The following GET4 variants were observed in gnomAD, a reference collection of about 807,000 sequenced individuals.
GET4 encodes guided entry of tail-anchored proteins factor 4.
In GET4, 20 loss-of-function variants were observed where a neutral mutation model predicts 40.0. That is an observed-to-expected ratio of 0.50 (90% confidence interval 0.35 to 0.73). The LOEUF (loss-of-function observed/expected upper bound fraction) is 0.73, where lower values mean the gene tolerates loss of function less well. GET4 is among the 30% of genes least tolerant of loss of function. GET4 has a pLI of 0.01. For missense variants in GET4, 557 were observed against 454.0 expected (o/e 1.23, Z -2.06); for synonymous variants, 280 against 194.6 (o/e 1.44, Z -3.65).
intron 4 of GET4, among the ~76,000 whole-genome samples, chr7:888,495 G>A (rs1027832693): frequency 1.3e-5 from 2 of 152,252 alleles, no homozygotes; most frequent in Admixed American, 1.3e-4. Context: ...TGAGCGACAG[G>A]AATGGGAAGT....
chr7:891,936 T>C (rs1284286893), intron 5 of GET4, among the ~76,000 whole-genome samples: 1 of 152,262 alleles, frequency 6.6e-6, no homozygotes, highest in Non-Finnish European at 1.5e-5. Flanking sequence ...TGCTGGGCCA[T>C]GGCGGAGTGT....
At chr7:878,071 T>C in intron 1 of GET4, 2 of 327,120 alleles carry the variant, frequency 6.1e-6, no homozygotes, top group South Asian at 4.6e-5. Context: ...GTGAAACCGC[T>C]TCTCTGTTGA....
chr7:891,147 T>C, intron 5 of GET4, 81 bp downstream of exon 5: 8 of 1,126,398 alleles, frequency 7.1e-6, no homozygotes, highest in South Asian at 3.1e-5. Context: ...CCTTGTCCCC[T>C]GTCCGAGCCG....
chr7:895,203 A>G (rs967200544), intron 8 of GET4, 131 bp from the exon 9 acceptor site: 17 of 558,770 alleles, frequency 3.0e-5, no homozygotes, highest in Non-Finnish European at 4.6e-5. Flanking sequence ...GGTCGTAGAC[A>G]GTAGCGATGT....
chr7:886,422 G>T (rs1409886197), intron 2 of GET4, 147 bp from the exon 3 acceptor site: 1 of 661,434 alleles, frequency 1.5e-6, no homozygotes, highest in Non-Finnish European at 2.7e-6. Context: ...CTCTTTTTCG[G>T]CGGCATTGCC....
At position 884,323 on chromosome 7, in the gene GET4, C is replaced by T. The variant is rs774802487; in HGVS notation, c.156-1733C>T. 11 of 1,304,050 alleles carry T rather than the reference C, an allele frequency of 8.4e-6. 1 individual carries two copies. In the South Asian group the frequency reaches 9.9e-5, roughly 12 times the overall value. 80.8% of individuals were successfully genotyped at this position (1,304,050 alleles called of 1,614,324 possible). A position where few individuals can be genotyped will look rare whatever the true frequency, so the allele number is the denominator to read the frequency against. On this transcript the variant is annotated intron_variant, in intron 1 of 8. Coordinates refer to ENST00000265857, the MANE Select transcript of GET4 (RefSeq NM_015949.3). ...GGCCTCCTCTGAGTCAGTCATGTCC[C>T]TGCAGGACTGGAACTAGGACGGCCG...
Position 896,379 on chromosome 7 carries a change from G to A in GET4, c.*957G>A, listed in dbSNP as rs940732714. On this transcript the variant is annotated 3_prime_UTR_variant, in exon 9 of 9. Coordinates refer to ENST00000265857, the MANE Select transcript of GET4 (RefSeq NM_015949.3). Reference sequence around the variant, plus strand: ...CGCACAGCTTTATTTACTGTAAAGTGGAATTTCAGGAAGGCTTGTGTGAAC... The same window carrying A: ...CGCACAGCTTTATTTACTGTAAAGTAGAATTTCAGGAAGGCTTGTGTGAAC... The A allele has an allele frequency of 6.6e-6, 1 of 152,192 alleles. No homozygotes were observed. The highest frequency in any genetic ancestry group is 1.9e-4 in the East Asian group (1 of 5,192). 9.4% of individuals were successfully genotyped at this position (152,192 alleles called of 1,614,324 possible). A position where few individuals can be genotyped will look rare whatever the true frequency, so the allele number is the denominator to read the frequency against.
chr7:884,164 C>T, intron 1 of GET4: 1 of 1,291,960 alleles, frequency 7.7e-7, no homozygotes. Context: ...GTAGTATCGG[C>T]AAAGCAGAAG....
In GET4 at chr7:889,699, C is replaced by T. The variant is rs138534722; in HGVS notation, c.467-1229C>T. Among the ~76,000 whole-genome samples, 293 of 128,700 alleles carry T rather than the reference C, an allele frequency of 2.3e-3. 2 individuals carry two copies. The highest frequency in any genetic ancestry group is 3.9e-3 in the South Asian group (15 of 3,884). The allele number at this position is 128,700 out of a possible 152,430, so 84.4% of individuals were successfully genotyped here. A position where few individuals can be genotyped will look rare whatever the true frequency, so the allele number is the denominator to read the frequency against. On this transcript the variant is annotated intron_variant, in intron 4 of 8. Transcript: ENST00000265857. ...GGTCTGGGGCGAGCGGGTGTTAGGACGGGCCTGGGAGCGGAGGGAGTGCGA... is the reference window on the plus strand; with the variant it reads ...GGTCTGGGGCGAGCGGGTGTTAGGATGGGCCTGGGAGCGGAGGGAGTGCGA...
At chr7:891,520 C>T (rs1014797518) in intron 5 of GET4, among the ~76,000 whole-genome samples, 1 of 151,708 alleles carries the variant, frequency 6.6e-6, no homozygotes, top group African/African-American at 2.4e-5. Context: ...GCGCTGTCTG[C>T]TCCTGCGTGG....
At chr7:886,383 C>G (rs1278973166) in intron 2 of GET4, 186 bp from the exon 3 acceptor site, 10 of 616,248 alleles carry the variant, frequency 1.6e-5, no homozygotes, top group Non-Finnish European at 2.0e-5. Flanking sequence ...CGTCCCCGTC[C>G]ATTTTCATGT....
At chr7:882,461 C>T (rs942073469) in intron 1 of GET4, 2 of 152,378 alleles carry the variant, frequency 1.3e-5, no homozygotes, top group African/African-American at 4.8e-5. Context: ...AGAAACTGAC[C>T]TGGTTCATCT....
At chr7:878,169 G>C (rs374361554) in intron 1 of GET4, 16 of 435,094 alleles carry the variant, frequency 3.7e-5, no homozygotes, top group Middle Eastern at 8.3e-4. Context: ...GAGGGCGAGC[G>C]CGAGCAGAGC....
intron 2 of GET4, 98 bp downstream of exon 2, chr7:886,232 T>A: frequency 1.3e-6 from 1 of 798,428 alleles, no homozygotes. Context: ...AACCTTGCGC[T>A]GCCCTGGGCC....
At chr7:892,152 C>T (rs1369636404) in intron 5 of GET4, 126 bp from the exon 6 acceptor site, 1 of 901,128 alleles carries the variant, frequency 1.1e-6, no homozygotes, top group African/African-American at 1.7e-5. Flanking sequence ...CTGGGTCCCT[C>T]CATGGCCTTG....
chr7:878,245 G>C (rs1485090674), intron 1 of GET4: 1 of 470,846 alleles, frequency 2.1e-6, no homozygotes, highest in African/African-American at 2.0e-5. Flanking sequence ...AGGCTGCTGC[G>C]TGGCTTGGTT....
chr7:895,680 C>T lies in GET4; in HGVS notation c.*258C>T, dbSNP rs1358281778. Reference sequence around the variant, plus strand: ...GATTGACCCACAATAAAGCACAGGCCTTACCGCGGCGTCACCCTCTCCCAC... The same window carrying T: ...GATTGACCCACAATAAAGCACAGGCTTTACCGCGGCGTCACCCTCTCCCAC... On this transcript the variant is annotated 3_prime_UTR_variant, in exon 9 of 9. Transcript: ENST00000265857. The T allele has an allele frequency of 3.1e-6, 1 of 320,514 alleles. No homozygotes were observed. Among genetic ancestry groups the T allele is most frequent in the African/African-American group, 2.2e-5 (1 of 46,176 alleles). 19.9% of individuals were successfully genotyped at this position (320,514 alleles called of 1,614,324 possible).
At chr7:878,365 C>T (rs775848997) in intron 1 of GET4, 7 of 470,978 alleles carry the variant, frequency 1.5e-5, no homozygotes, top group South Asian at 3.1e-5. Context: ...ATCAGATTAT[C>T]TCTTATGGTT....
At chr7:893,605 G>GTGA (rs386409351) in intron 6 of GET4, 135 bp from the exon 7 acceptor site, 2 of 622,862 alleles carry the variant, frequency 3.2e-6, no homozygotes, top group African/African-American at 3.8e-5. Context: ...CATGGGCGCG[G>GTGA]TGTGTGCAGG....
Sources: allele counts gnomAD v4.1 joint callset (sites outside exome capture counted in the v4.1 genomes callset), GRCh38; gene constraint gnomAD v4.1.1; transcripts MANE v1.5; gene names NCBI Gene and HGNC (gene_info 2026-07-23, HGNC 2026-07-21).